Variants in NCK2 observed in about 807,000 individuals in gnomAD.
NCK2 encodes cytoplasmic protein NCK2.
A neutral mutation model predicts 33.9 loss-of-function variants in NCK2; 16 were observed. That is an observed-to-expected ratio of 0.47 (90% CI 0.32 to 0.72). NCK2 has a LOEUF of 0.72. NCK2 is among the 30% of genes least tolerant of loss of function. The pLI, the probability that NCK2 is intolerant of heterozygous loss-of-function variation, is 0.03. For synonymous variants in NCK2, 273 were observed against 239.9 expected (o/e 1.14, Z -1.27); for missense variants, 418 against 537.3 (o/e 0.78, Z 2.19).
chr2:105,818,083 A>G (rs938178465), intron 2 of NCK2, among the ~76,000 whole-genome samples: 6 of 152,080 alleles, frequency 3.9e-5, no homozygotes, highest in Admixed American at 2.6e-4. Flanking sequence ...ATACACCATG[A>G]AATACTATGC....
At chr2:105,830,234 C>A (rs1290742320) in intron 2 of NCK2, among the ~76,000 whole-genome samples, 2 of 152,142 alleles carry the variant, frequency 1.3e-5, no homozygotes, top group Admixed American at 6.5e-5. Context: ...CTCTCCCCAC[C>A]CTTCCCCACC....
At chr2:105,818,999 T>G (rs762504423) in intron 2 of NCK2, among the ~76,000 whole-genome samples, 1 of 152,206 alleles carries the variant, frequency 6.6e-6, no homozygotes, top group Non-Finnish European at 1.5e-5. Flanking sequence ...ATTAAGTGTC[T>G]TAGTGTTCTC....
At chr2:105,770,284 A>G (rs1690090974) in intron 1 of NCK2, among the ~76,000 whole-genome samples, 1 of 152,254 alleles carries the variant, frequency 6.6e-6, no homozygotes, top group East Asian at 1.9e-4. Context: ...TTGAACTTTA[A>G]GAGCATGATT....
chr2:105,863,791 C>T (rs1356700646), intron 3 of NCK2, among the ~76,000 whole-genome samples: 3 of 152,120 alleles, frequency 2.0e-5, no homozygotes, highest in Non-Finnish European at 4.4e-5. Flanking sequence ...CATTCAAATC[C>T]AGGCTTTGCC....
At chr2:105,835,425 T>TATATATATATA (rs1175205835) in intron 2 of NCK2, among the ~76,000 whole-genome samples, 1 of 10,962 alleles carries the variant, frequency 9.1e-5, no homozygotes, top group Non-Finnish European at 2.4e-4. Context: ...ATATATATAT[T>TATATATATATA]TTTTTTTTGG....
At chr2:105,784,971 GTTTTGT>G (rs1051721146) in intron 1 of NCK2, among the ~76,000 whole-genome samples, 5 of 152,082 alleles carry the variant, frequency 3.3e-5, no homozygotes, top group Non-Finnish European at 7.4e-5. Context: ...TTTCGTTTTT[GTTTTGT>G]TTTTGTTTTT....
intron 1 of NCK2, among the ~76,000 whole-genome samples, chr2:105,759,358 C>G (rs1469629637): frequency 1.3e-5 from 2 of 152,150 alleles, no homozygotes; most frequent in African/African-American, 4.8e-5. Flanking sequence ...TTAAGCTGAT[C>G]AATAGGGGTA....
chr2:105,748,704 C>T (rs571187842), intron 1 of NCK2, among the ~76,000 whole-genome samples: 1 of 152,282 alleles, frequency 6.6e-6, no homozygotes, highest in African/African-American at 2.4e-5. Flanking sequence ...AGGCCAGAGC[C>T]ACCATACCCT....
At chr2:105,794,777 CTTGGCT>C (rs1299881695) in intron 1 of NCK2, among the ~76,000 whole-genome samples, 1 of 151,914 alleles carries the variant, frequency 6.6e-6, no homozygotes, top group Non-Finnish European at 1.5e-5. Context: ...GTGGTGCAGT[CTTGGCT>C]CACTGCAACC....
chr2:105,853,374 ATTG>A (rs1355743290), intron 2 of NCK2, among the ~76,000 whole-genome samples: 1 of 152,120 alleles, frequency 6.6e-6, no homozygotes, highest in East Asian at 1.9e-4. Context: ...GCATCTATTT[ATTG>A]TTGTTTTGAT....
intron 1 of NCK2, among the ~76,000 whole-genome samples, chr2:105,794,935 T>C (rs1042632062): frequency 1.3e-5 from 2 of 152,208 alleles, no homozygotes; most frequent in African/African-American, 4.8e-5. Context: ...TATCTTCTTT[T>C]TTCCCTACTC....
intron 2 of NCK2, among the ~76,000 whole-genome samples, chr2:105,825,052 G>A (rs1273154782): frequency 1.3e-5 from 2 of 152,176 alleles, no homozygotes; most frequent in Non-Finnish European, 2.9e-5. Context: ...GTGGGCACTC[G>A]AGGTGCTTGG....
intron 1 of NCK2, among the ~76,000 whole-genome samples, chr2:105,796,510 C>T (rs961193150): frequency 4.6e-5 from 7 of 152,032 alleles, no homozygotes; most frequent in East Asian, 3.9e-4. Context: ...TTATTGGCAC[C>T]GGTTGCAGAG....
At chr2:105,747,325 AT>A (rs1226436103) in intron 1 of NCK2, among the ~76,000 whole-genome samples, 1 of 152,212 alleles carries the variant, frequency 6.6e-6, no homozygotes, top group African/African-American at 2.4e-5. Flanking sequence ...TCTTCCTTGC[AT>A]GTGCACAGAC....
At chr2:105,819,402 C>G (rs1308201198) in intron 2 of NCK2, among the ~76,000 whole-genome samples, 1 of 151,544 alleles carries the variant, frequency 6.6e-6, no homozygotes, top group African/African-American at 2.4e-5. Flanking sequence ...TGTATCAATC[C>G]ACTTGTCAGA....
In NCK2 at chr2:105,812,764, C is replaced by T. The variant is rs145233851; in HGVS notation, c.-200-3666C>T. 3.9e-3 allele frequency among the ~76,000 whole-genome samples: 549 copies of T among 141,490 alleles called. 2 individuals carry two copies. Among genetic ancestry groups the T allele is most frequent in the African/African-American group, 0.014 (536 of 37,584 alleles). 92.8% of individuals were successfully genotyped at this position (141,490 alleles called of 152,430 possible). ...ATTAGATTTGGTTATGATACACACCCGAGTCCAACATCTGCTCATTACTGA... is the reference window on the plus strand; with the variant it reads ...ATTAGATTTGGTTATGATACACACCTGAGTCCAACATCTGCTCATTACTGA... On this transcript the variant is annotated intron_variant, in intron 1 of 4. Coordinates refer to ENST00000233154, the MANE Select transcript of NCK2 (RefSeq NM_003581.5).
At chr2:105,843,525 T>C (rs573244442) in intron 2 of NCK2, among the ~76,000 whole-genome samples, 5 of 152,066 alleles carry the variant, frequency 3.3e-5, no homozygotes, top group Non-Finnish European at 7.4e-5. Flanking sequence ...GTAGAAAATA[T>C]GCAAGAAAAG....
intron 1 of NCK2, among the ~76,000 whole-genome samples, chr2:105,780,321 T>G (rs374192310): frequency 1.8e-4 from 18 of 102,544 alleles, no homozygotes; most frequent in Admixed American, 7.1e-4. Flanking sequence ...GGGAGAGAGA[T>G]ATATACACAC....
chr2:105,765,327 T>A (rs1398748736), intron 1 of NCK2, among the ~76,000 whole-genome samples: 1 of 152,230 alleles, frequency 6.6e-6, no homozygotes, highest in Non-Finnish European at 1.5e-5. Flanking sequence ...GTGACTACCA[T>A]GTCCTTTTAA....
Sources: allele counts gnomAD v4.1 joint callset (sites outside exome capture counted in the v4.1 genomes callset), GRCh38; gene constraint gnomAD v4.1.1; transcripts MANE v1.5; gene names NCBI Gene and HGNC (gene_info 2026-07-23, HGNC 2026-07-21).